The following TLK1 variants were observed in gnomAD, a reference collection of about 807,000 sequenced individuals.
TLK1 encodes tousled like kinase 1.
A neutral mutation model predicts 105.3 loss-of-function variants in TLK1; 24 were observed. The observed-to-expected ratio is 0.23, with a 90% CI of 0.17 to 0.32. TLK1 has a LOEUF of 0.32. Among genes scored for constraint, TLK1 ranks in the 10% least tolerant of loss-of-function variants. The pLI, the probability that TLK1 is intolerant of heterozygous loss-of-function variation, is 1.00. For synonymous variants in TLK1, 321 were observed against 310.4 expected (o/e 1.03, Z -0.36); for missense variants, 558 against 910.5 (o/e 0.61, Z 4.98).
Position 171,011,420 on chromosome 2 carries a change from AAT to A in TLK1, c.1367_1368del (p.Tyr456PhefsTer8). The A allele has an allele frequency of 6.2e-7, 1 of 1,613,518 alleles. No homozygotes were observed. Among genetic ancestry groups the A allele is most frequent in the South Asian group, 1.1e-5 (1 of 90,976 alleles). On this transcript the variant is annotated frameshift_variant, in exon 14 of 21. Coordinates refer to ENST00000431350, the MANE Select transcript of TLK1 (RefSeq NM_012290.5). LOFTEE classifies it high-confidence loss of function. ...CCTCTACCAAGCAGATGAAGTAATA[AAT>A]ATCTTTCATTTAATGTTGGGTGATC... ...FKDHPTLNER[Y>X]LLLHLLGRGG...
At chr2:170,994,857 G>C (rs1402646769) in intron 20 of TLK1, 1 of 359,324 alleles carries the variant, frequency 2.8e-6, no homozygotes, top group East Asian at 7.4e-5. Context: ...CTTTTTTGGG[G>C]GGGGAGGGAA....
At chr2:171,021,703 C>T (rs1685517475) in intron 12 of TLK1, among the ~76,000 whole-genome samples, 1 of 152,142 alleles carries the variant, frequency 6.6e-6, no homozygotes, top group South Asian at 2.1e-4. Context: ...ACTGAATTTA[C>T]AAATCTGAAT....
intron 1 of TLK1, among the ~76,000 whole-genome samples, chr2:171,190,579 A>T (rs1232298526): frequency 2.0e-5 from 3 of 152,236 alleles, no homozygotes; most frequent in Non-Finnish European, 4.4e-5. Flanking sequence ...ACTTTTCCAG[A>T]TTACCAATTT....
intron 2 of TLK1, among the ~76,000 whole-genome samples, chr2:171,097,106 T>C (rs1233707580): frequency 2.0e-5 from 3 of 152,114 alleles, no homozygotes; most frequent in Non-Finnish European, 4.4e-5. Flanking sequence ...ATCAAAACAG[T>C]ACAGTACTGG....
chr2:171,140,164 G>A (rs1575622877), intron 1 of TLK1, among the ~76,000 whole-genome samples: 4 of 152,136 alleles, frequency 2.6e-5, no homozygotes, highest in African/African-American at 4.8e-5. Flanking sequence ...GAAGAAGAGC[G>A]TGGTTAAGAG....
chr2:171,222,261 G>T (rs530091242), intron 1 of TLK1, among the ~76,000 whole-genome samples: 1 of 152,326 alleles, frequency 6.6e-6, no homozygotes, highest in South Asian at 2.1e-4. Context: ...AACCTTTGTG[G>T]TGTTAAGTCT....
At chr2:171,119,348 C>T (rs1690558517) in intron 1 of TLK1, among the ~76,000 whole-genome samples, 2 of 152,196 alleles carry the variant, frequency 1.3e-5, no homozygotes, top group South Asian at 4.1e-4. Flanking sequence ...TTCAGCCACA[C>T]CTGTTCCCCC....
chr2:171,078,953 C>T (rs1460325670), intron 3 of TLK1, among the ~76,000 whole-genome samples: 1 of 152,198 alleles, frequency 6.6e-6, no homozygotes, highest in Non-Finnish European at 1.5e-5. Context: ...TACCTGAAGT[C>T]CAAATTCTTT....
chr2:170,998,904 G>A (rs1472593805), intron 18 of TLK1, among the ~76,000 whole-genome samples: 1 of 152,082 alleles, frequency 6.6e-6, no homozygotes, highest in African/African-American at 2.4e-5. Flanking sequence ...AAATAGATGG[G>A]ACTACAGACG....
chr2:171,035,614 C>T (rs1229929973), intron 11 of TLK1, among the ~76,000 whole-genome samples: 1 of 152,118 alleles, frequency 6.6e-6, no homozygotes, highest in Non-Finnish European at 1.5e-5. Context: ...ATATCCTAAT[C>T]CTTGAGACAT....
Position 171,028,339 on chromosome 2 carries a change from CT to C in TLK1, c.1235del (p.Lys412ArgfsTer24). 6.2e-7 allele frequency: 1 copy of C among 1,601,608 alleles called. No homozygotes were observed. The highest frequency in any genetic ancestry group is 8.5e-7 in the Non-Finnish European group (1 of 1,169,722). ...AAAATGCAGCATATGTTTCACATAC[CT>C]TTTTGAGATGTCCTAGTCTAAGTTT... ...IFKLRLGHLK[K>X]EEAEIQAELE... On this transcript the variant is annotated frameshift_variant and splice_region_variant, in exon 12 of 21. Transcript: ENST00000431350. LOFTEE classifies it high-confidence loss of function.
rs554342435 is a variant in TLK1 at position 171,127,803 on chromosome 2, T to G, written c.140-9946A>C. On this transcript the variant is annotated intron_variant, in intron 1 of 20. Transcript: ENST00000431350. ...CATAAACATCGGTCTGTTTTGTACT[T>G]TATTCACTAAATAGTTTCACTAAAC... Among the ~76,000 whole-genome samples the G allele has an allele frequency of 2.0e-5, 3 of 151,120 alleles. No homozygotes were observed. In the South Asian group the frequency reaches 6.4e-4, roughly 32 times the overall value.
At chr2:171,020,717 G>GCCAA (rs144630026) in intron 12 of TLK1, among the ~76,000 whole-genome samples, 244 of 151,874 alleles carry the variant, frequency 1.6e-3, no homozygotes, top group African/African-American at 2.8e-3. Flanking sequence ...ATAAAAGCCA[G>GCCAA]CCAACCAACC....
intron 1 of TLK1, chr2:171,159,456 A>C (rs562212857): frequency 5.3e-5 from 8 of 152,374 alleles, no homozygotes; most frequent in African/African-American, 1.9e-4. Flanking sequence ...ATCTGGTGGC[A>C]GCCCACTTGC....
At chr2:171,195,515 A>C (rs1426677052) in intron 1 of TLK1, among the ~76,000 whole-genome samples, 1 of 151,762 alleles carries the variant, frequency 6.6e-6, no homozygotes, top group Non-Finnish European at 1.5e-5. Flanking sequence ...AAAAAAAAAA[A>C]AAAAAAACAT....
chr2:171,054,149 G>A (rs371249042), intron 7 of TLK1: 1 of 198,096 alleles, frequency 5.0e-6, no homozygotes, highest in South Asian at 1.4e-4. Flanking sequence ...TTTGAATTTT[G>A]CAAGACCTTT....
At chr2:171,157,498 G>C (rs1237701684) in intron 1 of TLK1, among the ~76,000 whole-genome samples, 1 of 152,108 alleles carries the variant, frequency 6.6e-6, no homozygotes, top group African/African-American at 2.4e-5. Context: ...AAAAGCTTTG[G>C]GACCCGAGGG....
Position 171,228,483 on chromosome 2 carries a change from C to T in TLK1, c.-6+2662G>A, listed in dbSNP as rs867143306. Among the ~76,000 whole-genome samples, 5 of 151,978 alleles carry T rather than the reference C, an allele frequency of 3.3e-5. No homozygotes were observed. In the Middle Eastern group the frequency reaches 0.01, roughly 310 times the overall value. ...GGAGGACTGCTTGAGCCCAGGAGTT[C>T]GAGGCTGCAGTGAGCTATGGTTGTG... On this transcript the variant is annotated intron_variant, in intron 1 of 20. Coordinates refer to the TLK1 transcript ENST00000521943.
chr2:171,213,737 T>C (rs187473155), intron 1 of TLK1, among the ~76,000 whole-genome samples: 1 of 147,308 alleles, frequency 6.8e-6, no homozygotes, highest in Non-Finnish European at 1.5e-5. Flanking sequence ...CTTATATTTT[T>C]TTAGAGATAA....
Sources: gnomAD v4.1 joint callset for allele counts (sites outside exome capture counted in the v4.1 genomes callset) on GRCh38, gnomAD v4.1.1 for gene constraint, MANE v1.5 for transcripts, NCBI Gene and HGNC (gene_info 2026-07-23, HGNC 2026-07-21) for gene names.